DYNC1I2: variants seen among roughly 807,000 people sequenced by gnomAD.
DYNC1I2 encodes the protein dynein cytoplasmic 1 intermediate chain 2.
A neutral mutation model predicts 88.6 loss-of-function variants in DYNC1I2; 53 were observed. That is an observed-to-expected ratio of 0.60 (90% CI 0.48 to 0.75). DYNC1I2 has a LOEUF of 0.75. Ranked by LOEUF, DYNC1I2 falls within the 30% of genes least tolerant of loss-of-function variation. DYNC1I2 has a pLI of 0.00. For missense variants in DYNC1I2, 458 were observed against 766.6 expected (o/e 0.60, Z 4.75); for synonymous variants, 198 against 254.6 (o/e 0.78, Z 2.12).
chr2:171,689,787 C>G (rs1373113208), intron 1 of DYNC1I2, among the ~76,000 whole-genome samples: 1 of 151,754 alleles, frequency 6.6e-6, no homozygotes, highest in East Asian at 1.9e-4. Context: ...TCACGGCTCA[C>G]TGCAGCCTTG....
intron 1 of DYNC1I2, chr2:171,688,401 G>C (rs1685132522): frequency 1.3e-5 from 2 of 152,170 alleles, no homozygotes; most frequent in African/African-American, 4.8e-5. Flanking sequence ...AGCTGGTCAA[G>C]ACTTTGTTGT....
intron 7 of DYNC1I2, among the ~76,000 whole-genome samples, chr2:171,719,426 T>A (rs1157641963): frequency 6.6e-6 from 1 of 152,230 alleles, no homozygotes; most frequent in East Asian, 1.9e-4. Context: ...CGCTTAACTG[T>A]TCTTGTGCTT....
At chr2:171,707,986 T>G (rs1686810848) in intron 5 of DYNC1I2, among the ~76,000 whole-genome samples, 1 of 152,022 alleles carries the variant, frequency 6.6e-6, no homozygotes, top group African/African-American at 2.4e-5. Flanking sequence ...GGACTTGCTT[T>G]TCAAAAGTTC....
chr2:171,715,882 A>G (rs1687455916), intron 7 of DYNC1I2, among the ~76,000 whole-genome samples: 1 of 152,144 alleles, frequency 6.6e-6, no homozygotes, highest in South Asian at 2.1e-4. Flanking sequence ...ATACTAATGA[A>G]CAAATCTAGA....
intron 7 of DYNC1I2, 57 bp downstream of exon 7, chr2:171,715,500 T>A (rs957759020): frequency 2.8e-6 from 3 of 1,082,384 alleles, no homozygotes; most frequent in Non-Finnish European, 2.6e-6. Context: ...ATACATAGAT[T>A]CTTTTTTTCT....
chr2:171,693,966 C>T (rs1238456701), intron 3 of DYNC1I2, among the ~76,000 whole-genome samples: 2 of 151,260 alleles, frequency 1.3e-5, no homozygotes, highest in Non-Finnish European at 2.9e-5. Context: ...TGTTTTTCTC[C>T]TATAGGATTT....
intron 3 of DYNC1I2, among the ~76,000 whole-genome samples, chr2:171,700,281 C>T (rs369426615): frequency 6.6e-6 from 1 of 151,912 alleles, no homozygotes; most frequent in African/African-American, 2.4e-5. Context: ...AGTGAGCAAT[C>T]GAAGAGAAAA....
intron 15 of DYNC1I2, among the ~76,000 whole-genome samples, chr2:171,739,600 T>G (rs1449948620): frequency 6.6e-6 from 1 of 151,870 alleles, no homozygotes; most frequent in Non-Finnish European, 1.5e-5. Context: ...CTTATTTTCG[T>G]CAAATGGCCT....
rs1361374177 is a variant in DYNC1I2 at position 171,714,520 on chromosome 2, G to T, written c.396-808G>T. Among the ~76,000 whole-genome samples the T allele has an allele frequency of 2.0e-5, 3 of 151,976 alleles. No individual in the cohort carries two copies. The East Asian group carries it at 5.8e-4, about 29-fold the overall frequency. ...TGGAAGCGTACTTTATTTGGTTTAG[G>T]ATTTAAACATCTAATAAAACCAATA... On this transcript the variant is annotated intron_variant, in intron 6 of 17. Coordinates refer to ENST00000397119, the MANE Select transcript of DYNC1I2 (RefSeq NM_001378.3).
At chr2:171,690,284 TAAA>T in intron 2 of DYNC1I2, 21 bp downstream of exon 2, 4 of 1,493,662 alleles carry the variant, frequency 2.7e-6, no homozygotes, top group Non-Finnish European at 3.6e-6. Context: ...TTTTTTTGCT[TAAA>T]TAAACAACAT....
intron 14 of DYNC1I2, 55 bp from the exon 15 acceptor site, chr2:171,729,654 G>C: frequency 6.3e-7 from 1 of 1,581,956 alleles, no homozygotes; most frequent in South Asian, 1.1e-5. Context: ...AAATGTGTAT[G>C]TAATTGGTCT....
Position 171,726,182 on chromosome 2 carries a change from CTT to C in DYNC1I2, c.771-6_771-5del. 1.9e-6 allele frequency: 3 copies of C among 1,600,534 alleles called. No homozygotes were observed. Among genetic ancestry groups the C allele is most frequent in the African/African-American group, 1.3e-5 (1 of 74,342 alleles). On this transcript the variant is annotated splice_polypyrimidine_tract_variant and intron_variant, in intron 9 of 17. Transcript: ENST00000397119. ...ACACCATCTTTTTGGGGGGTTTGGT[CTT>C]TTTTTGTAGAGAGATTCAAGCAGGT...
chr2:171,737,007 A>G (rs1169775373), intron 15 of DYNC1I2, among the ~76,000 whole-genome samples: 1 of 152,208 alleles, frequency 6.6e-6, no homozygotes, highest in Admixed American at 6.5e-5. Flanking sequence ...GGGTGGCTTA[A>G]AATGACAGAA....
intron 15 of DYNC1I2, among the ~76,000 whole-genome samples, chr2:171,738,666 C>T (rs528486563): frequency 6.6e-6 from 1 of 152,126 alleles, no homozygotes; most frequent in Admixed American, 6.5e-5. Context: ...TAAAAATAAG[C>T]TGTTTTTGAA....
intron 5 of DYNC1I2, among the ~76,000 whole-genome samples, chr2:171,710,574 TA>T (rs1687042946): frequency 6.6e-6 from 1 of 152,210 alleles, no homozygotes; most frequent in Non-Finnish European, 1.5e-5. Flanking sequence ...TGAATAAATA[TA>T]AAAGGTCGTG....
chr2:171,708,356 A>G (rs868410245), intron 5 of DYNC1I2, among the ~76,000 whole-genome samples: 110 of 152,326 alleles, frequency 7.2e-4, no homozygotes, highest in African/African-American at 2.6e-3. Context: ...AGGTGGCTGG[A>G]TGATCTGTAA....
At chr2:171,742,674 A>G (rs1334898756) in intron 15 of DYNC1I2, among the ~76,000 whole-genome samples, 1 of 152,132 alleles carries the variant, frequency 6.6e-6, no homozygotes, top group African/African-American at 2.4e-5. Context: ...TAACTTTCCT[A>G]GTTCATTTTC....
chr2:171,706,897 C>A, intron 4 of DYNC1I2: 2 of 390,998 alleles, frequency 5.1e-6, no homozygotes, highest in Non-Finnish European at 4.5e-6. Context: ...ATTTTGGCAG[C>A]AATTGTAAAT....
At chr2:171,745,688 T>A in intron 16 of DYNC1I2, 114 bp from the exon 17 acceptor site, 1 of 1,180,892 alleles carries the variant, frequency 8.5e-7, no homozygotes, top group Admixed American at 2.2e-5. Context: ...TCTTACCTGT[T>A]TTCATCTTTG....
Sources: gnomAD v4.1 joint callset for allele counts (sites outside exome capture counted in the v4.1 genomes callset) on GRCh38, gnomAD v4.1.1 for gene constraint, MANE v1.5 for transcripts, NCBI Gene and HGNC (gene_info 2026-07-23, HGNC 2026-07-21) for gene names.